Variants in ASAP1 observed in about 807,000 individuals in gnomAD.
ASAP1 encodes ArfGAP with SH3 domain, ankyrin repeat and PH domain 1.
In ASAP1, 43 loss-of-function variants were observed where a neutral mutation model predicts 145.2. The ratio of observed to expected loss-of-function variants is 0.30; its 90% CI spans 0.23 to 0.38. The LOEUF is 0.38. Among genes scored for constraint, ASAP1 ranks in the 10% least tolerant of loss-of-function variants. The probability of loss-of-function intolerance (pLI) is 1.00; values close to 1 mark genes in which losing one functional copy is unlikely to be tolerated. For missense variants in ASAP1, 1,018 were observed against 1,355.3 expected (o/e 0.75, Z 3.91); for synonymous variants, 546 against 515.5 (o/e 1.06, Z -0.80).
rs1016256364 is a variant in ASAP1, at chr8:130,060,477, C to G, written c.3192+102G>C. 8 of 1,450,508 alleles carry G rather than the reference C, an allele frequency of 5.5e-6. No individual in the cohort carries two copies. The African/African-American group carries it at 1.1e-4, about 21-fold the overall frequency. 89.9% of individuals were successfully genotyped at this position (1,450,508 alleles called of 1,614,324 possible). A position where few individuals can be genotyped will look rare whatever the true frequency, so the allele number is the denominator to read the frequency against. ...CCAGAGCACATAAGGGTCAGGTGAG[C>G]AAGCTCTCACTTTTTCTTGTGTAAG... On this transcript the variant is annotated intron_variant, in intron 28 of 29. Coordinates refer to ENST00000518721, the MANE Select transcript of ASAP1 (RefSeq NM_018482.4).
At chr8:130,199,956 T>G (rs2136306653) in intron 5 of ASAP1, among the ~76,000 whole-genome samples, 1 of 152,352 alleles carries the variant, frequency 6.6e-6, no homozygotes, top group African/African-American at 2.4e-5. Context: ...ACTATGAAAC[T>G]TCTGGCACAG....
rs191121694 is a variant in ASAP1 at position 130,410,295 on chromosome 8, C to T, written c.-27-8325G>A. Among the ~76,000 whole-genome samples, 391 of 152,268 alleles carry T rather than the reference C, an allele frequency of 2.6e-3. 2 individuals are homozygous for T. The highest frequency in any genetic ancestry group is 8.8e-3 in the African/African-American group (364 of 41,534). Reference sequence around the variant, plus strand: ...TACCATAGGACCTACCTACTATAAGCGATTAATAAATCCTCAGCATTTTAA... The same window carrying T: ...TACCATAGGACCTACCTACTATAAGTGATTAATAAATCCTCAGCATTTTAA... On this transcript the variant is annotated intron_variant, in intron 1 of 29. Transcript: ENST00000518721.
chr8:130,426,898 C>G (rs568258929), intron 1 of ASAP1, among the ~76,000 whole-genome samples: 75 of 152,334 alleles, frequency 4.9e-4, no homozygotes, highest in Non-Finnish European at 9.8e-4. Context: ...TGTTGCCCCA[C>G]TGGAATGTAA....
At chr8:130,430,495 G>A (rs936590051) in intron 1 of ASAP1, among the ~76,000 whole-genome samples, 13 of 152,212 alleles carry the variant, frequency 8.5e-5, no homozygotes, top group African/African-American at 2.9e-4. Context: ...CTCGGTCTGA[G>A]CAGTTGAAAC....
chr8:130,149,184 T>C (rs990670562), intron 13 of ASAP1, among the ~76,000 whole-genome samples: 1 of 149,600 alleles, frequency 6.7e-6, no homozygotes, highest in African/African-American at 2.5e-5. Context: ...TGCCAAAGAT[T>C]TGTTGGAACT....
intron 3 of ASAP1, among the ~76,000 whole-genome samples, chr8:130,256,046 G>C (rs974216921): frequency 3.9e-5 from 6 of 152,154 alleles, no homozygotes; most frequent in African/African-American, 1.4e-4. Flanking sequence ...TAGGAAGAGA[G>C]TGAGAGAATG....
intron 3 of ASAP1, among the ~76,000 whole-genome samples, chr8:130,355,838 G>C (rs1312493679): frequency 1.3e-5 from 2 of 152,098 alleles, no homozygotes; most frequent in Non-Finnish European, 2.9e-5. Context: ...GCAACCTCAA[G>C]AATTAAAATA....
intron 3 of ASAP1, among the ~76,000 whole-genome samples, chr8:130,315,724 G>T (rs1823625736): frequency 6.6e-6 from 1 of 152,116 alleles, no homozygotes; most frequent in East Asian, 1.9e-4. Flanking sequence ...AATTTTAAAT[G>T]GAATGACTAT....
chr8:130,433,567 A>T (rs923209612), intron 1 of ASAP1, among the ~76,000 whole-genome samples: 26 of 152,204 alleles, frequency 1.7e-4, no homozygotes, highest in African/African-American at 5.5e-4. Flanking sequence ...ATTCAACTGG[A>T]AGGTATTCTA....
At chr8:130,165,007 T>C (rs1053048035) in intron 11 of ASAP1, among the ~76,000 whole-genome samples, 2 of 152,178 alleles carry the variant, frequency 1.3e-5, no homozygotes, top group African/African-American at 4.8e-5. Flanking sequence ...ATAAACAGCA[T>C]GAGAAAGGAA....
intron 3 of ASAP1, among the ~76,000 whole-genome samples, chr8:130,276,728 A>ACTCTCTCTCTCTCTCTCT (rs10678909): frequency 4.0e-4 from 35 of 87,316 alleles, no homozygotes; most frequent in Middle Eastern, 8.6e-3. Context: ...ACACACACAC[A>ACTCTCTCTCTCTCTCTCT]CTCTCTCTCT....
chr8:130,212,814 A>T (rs1816667663), intron 5 of ASAP1, among the ~76,000 whole-genome samples: 1 of 152,234 alleles, frequency 6.6e-6, no homozygotes, highest in South Asian at 2.1e-4. Context: ...GTTGAAAGGA[A>T]CCTGCAGCGT....
intron 4 of ASAP1, among the ~76,000 whole-genome samples, chr8:130,216,878 A>C (rs1417733401): frequency 6.6e-6 from 1 of 151,948 alleles, no homozygotes; most frequent in Non-Finnish European, 1.5e-5. Flanking sequence ...TGGCAAATAC[A>C]CTCTGCTTCT....
chr8:130,074,194 T>C (rs575168240), intron 27 of ASAP1, among the ~76,000 whole-genome samples: 2 of 152,250 alleles, frequency 1.3e-5, no homozygotes, highest in African/African-American at 4.8e-5. Context: ...AATTTTTGAT[T>C]TTTTAGACAT....
chr8:130,374,607 G>A (rs4733794), intron 2 of ASAP1, among the ~76,000 whole-genome samples: 1,546 of 152,316 alleles, frequency 0.01, 16 homozygotes, highest in Non-Finnish European at 0.015. Flanking sequence ...CATACTTGTC[G>A]ACTTTAATAA....
intron 3 of ASAP1, among the ~76,000 whole-genome samples, chr8:130,305,674 T>TATTC (rs1172508628): frequency 6.6e-6 from 1 of 152,130 alleles, no homozygotes; most frequent in Non-Finnish European, 1.5e-5. Context: ...ACTCCCAGCC[T>TATTC]ATTCATTCAT....
chr8:130,406,068 G>T (rs1181593551), intron 1 of ASAP1, among the ~76,000 whole-genome samples: 1 of 152,082 alleles, frequency 6.6e-6, no homozygotes, highest in Non-Finnish European at 1.5e-5. Flanking sequence ...TCATTTCTGG[G>T]ACTCTTTTCT....
chr8:130,376,136 C>G (rs922047144), intron 2 of ASAP1, among the ~76,000 whole-genome samples: 5 of 152,236 alleles, frequency 3.3e-5, no homozygotes, highest in Non-Finnish European at 7.3e-5. Flanking sequence ...TCTCTCCTCT[C>G]TCTCTGGTTG....
intron 3 of ASAP1, among the ~76,000 whole-genome samples, chr8:130,345,837 A>C (rs1825673137): frequency 6.6e-6 from 1 of 152,230 alleles, no homozygotes; most frequent in Non-Finnish European, 1.5e-5. Flanking sequence ...AGTGACAGCC[A>C]ACTCTGTGAC....
Sources: gnomAD v4.1 joint callset for allele counts (sites outside exome capture counted in the v4.1 genomes callset) on GRCh38, gnomAD v4.1.1 for gene constraint, MANE v1.5 for transcripts, NCBI Gene and HGNC (gene_info 2026-07-23, HGNC 2026-07-21) for gene names.